Variants in PCDH9 observed in about 807,000 individuals in gnomAD.
PCDH9 encodes the protein protocadherin 9.
A neutral mutation model predicts 70.6 loss-of-function variants in PCDH9; 24 were observed. The observed-to-expected ratio is 0.34, with a 90% CI of 0.25 to 0.48. The LOEUF (loss-of-function observed/expected upper bound fraction) is 0.48. PCDH9 is among the 20% of genes least tolerant of loss of function. PCDH9 has a pLI of 0.99. For missense variants in PCDH9, 1,281 were observed against 1,503.6 expected, an observed-to-expected ratio of 0.85 and a Z score of 2.45; for synonymous variants, 562 against 558.5, an observed-to-expected ratio of 1.01 and a Z score of -0.09.
At chr13:66,720,084 G>A (rs181483191) in intron 3 of PCDH9, among the ~76,000 whole-genome samples, 2 of 152,214 alleles carry the variant, frequency 1.3e-5, no homozygotes, top group Admixed American at 6.5e-5. Context: ...TGACTGGGAA[G>A]AATCAATATT....
chr13:67,084,436 T>C (rs1594487863), intron 2 of PCDH9, among the ~76,000 whole-genome samples: 1 of 152,172 alleles, frequency 6.6e-6, no homozygotes, highest in South Asian at 2.1e-4. Flanking sequence ...TCTTTGAATC[T>C]ACCTATGAAC....
At chr13:66,528,604 T>A (rs1252449179) in intron 4 of PCDH9, among the ~76,000 whole-genome samples, 3 of 152,148 alleles carry the variant, frequency 2.0e-5, no homozygotes, top group Non-Finnish European at 4.4e-5. Context: ...TGGAATATCA[T>A]TTATTTAAGT....
At chr13:67,051,249 G>C (rs112462641) in intron 2 of PCDH9, among the ~76,000 whole-genome samples, 5 of 152,178 alleles carry the variant, frequency 3.3e-5, no homozygotes, top group African/African-American at 7.2e-5. Context: ...ACTAATGAAA[G>C]GGAAGAAATC....
intron 3 of PCDH9, among the ~76,000 whole-genome samples, chr13:66,865,230 A>G (rs1215250773): frequency 6.6e-6 from 1 of 152,226 alleles, no homozygotes; most frequent in Non-Finnish European, 1.5e-5. Flanking sequence ...TTACAGGCAC[A>G]TTAAAATCCG....
chr13:67,014,017 C>A (rs1225681742), intron 2 of PCDH9, among the ~76,000 whole-genome samples: 1 of 152,038 alleles, frequency 6.6e-6, no homozygotes, highest in Non-Finnish European at 1.5e-5. Context: ...TTTTCTGCTT[C>A]CTTCATATTC....
At chr13:66,389,458 C>G (rs1461238737) in intron 4 of PCDH9, among the ~76,000 whole-genome samples, 1 of 152,162 alleles carries the variant, frequency 6.6e-6, no homozygotes, top group Non-Finnish European at 1.5e-5. Flanking sequence ...CAATTTGAAG[C>G]TATAATAATT....
intron 3 of PCDH9, among the ~76,000 whole-genome samples, chr13:66,779,846 T>TATATATA (rs1389728022): frequency 4.9e-5 from 1 of 20,480 alleles, no homozygotes; most frequent in African/African-American, 1.0e-4. Flanking sequence ...TCTCTCTCTC[T>TATATATA]CTCTATATAT....
At chr13:66,620,853 T>C (rs542445021) in intron 4 of PCDH9, among the ~76,000 whole-genome samples, 1 of 152,306 alleles carries the variant, frequency 6.6e-6, no homozygotes, top group South Asian at 2.1e-4. Context: ...TAAGAATTCT[T>C]GCACTAAACT....
intron 2 of PCDH9, among the ~76,000 whole-genome samples, chr13:67,028,181 A>G (rs2139877424): frequency 6.8e-6 from 1 of 147,994 alleles, no homozygotes; most frequent in East Asian, 2.1e-4. Flanking sequence ...AATGTCCAAC[A>G]GTGATAGACT....
chr13:66,624,391 G>T (rs1053057502), intron 4 of PCDH9, among the ~76,000 whole-genome samples: 1 of 152,190 alleles, frequency 6.6e-6, no homozygotes, highest in Non-Finnish European at 1.5e-5. Flanking sequence ...GCAGTAAAAG[G>T]TAACAAAATT....
At chr13:66,548,631 C>T (rs1470655942) in intron 4 of PCDH9, among the ~76,000 whole-genome samples, 3 of 151,938 alleles carry the variant, frequency 2.0e-5, no homozygotes, top group Non-Finnish European at 2.9e-5. Context: ...TTATGAAACT[C>T]TTGCCTTTGG....
At chr13:66,670,323 C>A (rs894809932) in intron 3 of PCDH9, among the ~76,000 whole-genome samples, 1 of 152,018 alleles carries the variant, frequency 6.6e-6, no homozygotes, top group Non-Finnish European at 1.5e-5. Flanking sequence ...ACTTTGGTAA[C>A]CCTAATAGAA....
chr13:66,737,997 G>C lies in PCDH9; in HGVS notation c.3139-106586C>G, dbSNP rs866427437. ...CTCGAACTGGGTGGAGCCCACCACA[G>C]CTCAAGGAGGCCTGCCTGCCTCTGT... On this transcript the variant is annotated intron_variant, in intron 3 of 4. Coordinates refer to ENST00000377865, the MANE Select transcript of PCDH9 (RefSeq NM_203487.3). Among the ~76,000 whole-genome samples, 990 of 152,292 alleles carry C rather than the reference G, an allele frequency of 6.5e-3. 11 individuals carry two copies. Among genetic ancestry groups the C allele is most frequent in the African/African-American group, 0.022 (924 of 41,578 alleles).
intron 2 of PCDH9, among the ~76,000 whole-genome samples, chr13:67,137,680 G>A (rs1381841075): frequency 6.6e-6 from 1 of 151,994 alleles, no homozygotes; most frequent in Non-Finnish European, 1.5e-5. Flanking sequence ...TTGTTACAGA[G>A]TCTGCTAAAG....
chr13:66,607,404 T>C (rs1215093096), intron 4 of PCDH9, among the ~76,000 whole-genome samples: 2 of 152,098 alleles, frequency 1.3e-5, no homozygotes, highest in African/African-American at 4.8e-5. Flanking sequence ...ACAAATTATG[T>C]AGTGACTTCT....
At chr13:66,983,713 C>T (rs1456022131) in intron 2 of PCDH9, among the ~76,000 whole-genome samples, 1 of 152,104 alleles carries the variant, frequency 6.6e-6, no homozygotes, top group Non-Finnish European at 1.5e-5. Context: ...TTCAGGGCTA[C>T]ATGTGTAGGT....
At chr13:66,481,561 G>A (rs570441795) in intron 4 of PCDH9, among the ~76,000 whole-genome samples, 10 of 152,228 alleles carry the variant, frequency 6.6e-5, no homozygotes, top group Non-Finnish European at 1.3e-4. Flanking sequence ...AATATGCACT[G>A]GGAAGCCAAA....
At chr13:66,659,246 G>A (rs1291482187) in intron 3 of PCDH9, among the ~76,000 whole-genome samples, 2 of 152,172 alleles carry the variant, frequency 1.3e-5, no homozygotes, top group Non-Finnish European at 2.9e-5. Flanking sequence ...TTGTTTCACT[G>A]TCAAATATAT....
At chr13:67,081,262 T>C (rs1339359719) in intron 2 of PCDH9, among the ~76,000 whole-genome samples, 1 of 152,130 alleles carries the variant, frequency 6.6e-6, no homozygotes, top group African/African-American at 2.4e-5. Flanking sequence ...TTTTGGCTTG[T>C]TTTGTTTTGT....
Sources: allele counts gnomAD v4.1 joint callset (sites outside exome capture counted in the v4.1 genomes callset), GRCh38; gene constraint gnomAD v4.1.1; transcripts MANE v1.5; gene names NCBI Gene and HGNC (gene_info 2026-07-23, HGNC 2026-07-21).